The following SLIT3 variants were observed in gnomAD, a reference collection of about 807,000 sequenced individuals.
SLIT3 encodes slit homolog 3 protein.
Under a neutral mutation model 184.0 loss-of-function variants are expected in SLIT3, and 68 were observed. That is an observed-to-expected ratio of 0.37 (90% CI 0.30 to 0.45). The LOEUF (loss-of-function observed/expected upper bound fraction) is 0.45, where lower values mean the gene tolerates loss of function less well. Ranked by LOEUF, SLIT3 falls within the 20% of genes least tolerant of loss-of-function variation. The pLI, the probability that SLIT3 is intolerant of heterozygous loss-of-function variation, is 1.00. For synonymous variants in SLIT3, 831 were observed against 828.6 expected (o/e 1.00, Z -0.05); for missense variants, 1,707 against 2,026.0 (o/e 0.84, Z 3.02).
rs569088105 is a variant in SLIT3, at chr5:169,263,117, G to T, written c.198-11658C>A. On this transcript the variant is annotated intron_variant, in intron 1 of 35. Transcript: ENST00000519560. ...GCACTTTGGGAGGCTGATGCAGAAGGATTACTTGAGGCCAGAAGGGAGTTT... is the reference window on the plus strand; with the variant it reads ...GCACTTTGGGAGGCTGATGCAGAAGTATTACTTGAGGCCAGAAGGGAGTTT... Among the ~76,000 whole-genome samples, 5 of 152,254 alleles carry T rather than the reference G, an allele frequency of 3.3e-5. No homozygotes were observed. In the East Asian group the frequency reaches 9.7e-4, roughly 30 times the overall value.
intron 1 of SLIT3, among the ~76,000 whole-genome samples, chr5:169,281,863 C>A (rs931993401): frequency 1.0e-5 from 1 of 97,732 alleles, no homozygotes; most frequent in African/African-American, 3.8e-5. Flanking sequence ...GTTTCTTAAC[C>A]AGAGGTAATT....
intron 3 of SLIT3, among the ~76,000 whole-genome samples, chr5:169,208,593 A>G (rs1223553482): frequency 6.6e-6 from 1 of 152,184 alleles, no homozygotes; most frequent in Non-Finnish European, 1.5e-5. Flanking sequence ...AGATATATAG[A>G]CCAATGGAAC....
chr5:169,154,942 A>G (rs1050852558), intron 4 of SLIT3, among the ~76,000 whole-genome samples: 1 of 152,220 alleles, frequency 6.6e-6, no homozygotes, highest in Non-Finnish European at 1.5e-5. Flanking sequence ...CCATCTTTGG[A>G]CTACATCTCA....
intron 5 of SLIT3, among the ~76,000 whole-genome samples, chr5:168,847,241 C>T (rs531323655): frequency 4.6e-5 from 7 of 152,200 alleles, no homozygotes; most frequent in Admixed American, 1.3e-4. Context: ...TTTTAAAACA[C>T]GAAACATCAA....
At chr5:169,121,948 A>T (rs1263470057) in intron 4 of SLIT3, among the ~76,000 whole-genome samples, 2 of 152,182 alleles carry the variant, frequency 1.3e-5, no homozygotes, top group Non-Finnish European at 2.9e-5. Context: ...TTTCTCAGAG[A>T]ATTCCAGTTG....
intron 3 of SLIT3, among the ~76,000 whole-genome samples, chr5:169,201,562 A>G (rs1763905065): frequency 6.6e-6 from 1 of 152,194 alleles, no homozygotes; most frequent in Non-Finnish European, 1.5e-5. Flanking sequence ...AATTCAGGAG[A>G]TTTATTTCTC....
chr5:168,940,455 A>G (rs776576219), intron 4 of SLIT3, among the ~76,000 whole-genome samples: 1 of 152,238 alleles, frequency 6.6e-6, no homozygotes, highest in Non-Finnish European at 1.5e-5. Flanking sequence ...GAGAGCAAAG[A>G]AGAAAAAAAA....
intron 20 of SLIT3, among the ~76,000 whole-genome samples, chr5:168,726,849 A>T (rs1399761696): frequency 6.6e-6 from 1 of 151,734 alleles, no homozygotes; most frequent in African/African-American, 2.4e-5. Context: ...ATAAAAACAA[A>T]AATACAAAAA....
intron 4 of SLIT3, among the ~76,000 whole-genome samples, chr5:168,980,502 C>A (rs1754911587): frequency 6.6e-6 from 1 of 152,186 alleles, no homozygotes; most frequent in Non-Finnish European, 1.5e-5. Flanking sequence ...GGTCACCCAG[C>A]TTGGTAAGTG....
At chr5:168,802,885 C>T (rs1253056971) in intron 9 of SLIT3, among the ~76,000 whole-genome samples, 1 of 152,206 alleles carries the variant, frequency 6.6e-6, no homozygotes, top group African/African-American at 2.4e-5. Flanking sequence ...TAAGGAGGTG[C>T]CATTAGCCTC....
intron 3 of SLIT3, among the ~76,000 whole-genome samples, chr5:169,226,437 GA>G: frequency 6.6e-6 from 1 of 152,246 alleles, no homozygotes; most frequent in South Asian, 2.1e-4. Context: ...AAGAGTCCCT[GA>G]AGGCCTAGAA....
chr5:169,179,372 T>C (rs1037284254), intron 4 of SLIT3, among the ~76,000 whole-genome samples: 1 of 148,888 alleles, frequency 6.7e-6, no homozygotes, highest in Non-Finnish European at 1.5e-5. Flanking sequence ...AGGCCTCCAA[T>C]AGCTAGACAA....
intron 6 of SLIT3, among the ~76,000 whole-genome samples, chr5:168,833,528 G>T (rs769058084): frequency 2.0e-5 from 3 of 152,192 alleles, no homozygotes; most frequent in Non-Finnish European, 4.4e-5. Context: ...GCACTAGAGT[G>T]GCCATTTCCC....
intron 5 of SLIT3, among the ~76,000 whole-genome samples, chr5:168,856,790 TGTGTGTGTGTGTGTGTGC>T (rs1381408051): frequency 1.4e-4 from 21 of 146,384 alleles, no homozygotes; most frequent in African/African-American, 5.5e-4. Flanking sequence ...TGTGTGTGTG[TGTGTGTGTGTGTGTGTGC>T]GCGCGCGCGC....
At chr5:168,758,708 G>A (rs1397832656) in intron 16 of SLIT3, among the ~76,000 whole-genome samples, 2 of 152,180 alleles carry the variant, frequency 1.3e-5, no homozygotes, top group African/African-American at 2.4e-5. Context: ...GGAGGAAAGC[G>A]ATCTGAGTAG....
chr5:169,253,324 G>A (rs1282601150), intron 1 of SLIT3, among the ~76,000 whole-genome samples: 1 of 152,150 alleles, frequency 6.6e-6, no homozygotes, highest in African/African-American at 2.4e-5. Flanking sequence ...GCCAGCATCT[G>A]CAGCACTAAT....
chr5:169,221,569 C>T (rs952956175), intron 3 of SLIT3, among the ~76,000 whole-genome samples: 5 of 152,158 alleles, frequency 3.3e-5, no homozygotes, highest in African/African-American at 9.7e-5. Context: ...GTTAGGCTCC[C>T]CCAGGGGCGC....
At chr5:169,210,706 C>G (rs4523016) in intron 3 of SLIT3, among the ~76,000 whole-genome samples, 112,272 of 152,056 alleles carry the variant, frequency 0.74, 42,228 homozygotes, top group African/African-American at 0.88. Flanking sequence ...ATGAATGAAT[C>G]AAAGTAAGAG....
chr5:168,847,268 G>T (rs767895485), intron 5 of SLIT3, among the ~76,000 whole-genome samples: 1 of 152,166 alleles, frequency 6.6e-6, no homozygotes, highest in Non-Finnish European at 1.5e-5. Flanking sequence ...AAATATTTAT[G>T]CATAAGTGTG....
Sources: gnomAD v4.1 joint callset for allele counts (sites outside exome capture counted in the v4.1 genomes callset) on GRCh38, gnomAD v4.1.1 for gene constraint, MANE v1.5 for transcripts, NCBI Gene and HGNC (gene_info 2026-07-23, HGNC 2026-07-21) for gene names.